The following UNC79 variants were observed in gnomAD, a reference collection of about 807,000 sequenced individuals.
The protein encoded by UNC79 is protein unc-79 homolog.
In UNC79, 37 loss-of-function variants were observed where a neutral mutation model predicts 283.1. That is an observed-to-expected ratio of 0.13 (90% confidence interval 0.10 to 0.17). UNC79 has a LOEUF of 0.17. Among genes scored for constraint, UNC79 ranks in the 10% least tolerant of loss-of-function variants. UNC79 has a pLI of 1.00. For synonymous variants in UNC79, 1,107 were observed against 1,200.2 expected (o/e 0.92, Z 1.61); for missense variants, 2,272 against 3,211.1 (o/e 0.71, Z 7.07).
At chr14:93,584,193 T>G (rs2064043333) in intron 20 of UNC79, among the ~76,000 whole-genome samples, 1 of 152,220 alleles carries the variant, frequency 6.6e-6, no homozygotes, top group Non-Finnish European at 1.5e-5. Context: ...GCCTTTGTAC[T>G]TGGCAGATGA....
intron 37 of UNC79, among the ~76,000 whole-genome samples, chr14:93,654,860 TG>T (rs2070753702): frequency 6.6e-6 from 1 of 152,184 alleles, no homozygotes; most frequent in Admixed American, 6.5e-5. Context: ...TCTTGGGGTT[TG>T]CTTGCGGGAG....
At chr14:93,600,472 G>T in intron 24 of UNC79, 97 bp from the exon 25 acceptor site, 1 of 809,880 alleles carries the variant, frequency 1.2e-6, no homozygotes, top group Non-Finnish European at 1.9e-6. Flanking sequence ...AGGCTGCCTT[G>T]TTTCATTGAC....
chr14:93,377,885 G>C (rs2054592896), intron 1 of UNC79, among the ~76,000 whole-genome samples: 1 of 152,192 alleles, frequency 6.6e-6, no homozygotes, highest in Admixed American at 6.5e-5. Context: ...ATTACATACA[G>C]CTTTCATAGC....
Position 93,504,699 on chromosome 14 carries a change from G to C in UNC79, c.898+7413G>C, listed in dbSNP as rs541935119. Among the ~76,000 whole-genome samples, 159 of 152,068 alleles carry C rather than the reference G, an allele frequency of 1.0e-3. 1 individual carries two copies. The highest frequency in any genetic ancestry group is 3.6e-3 in the African/African-American group (150 of 41,536). On this transcript the variant is annotated intron_variant, in intron 7 of 48. Coordinates refer to ENST00000555664, the Ensembl canonical transcript of UNC79. ...AATTAATTTTTAGTATATTGGTCTT[G>C]TATCCAGCAACTTTGCTAAGTCACT...
chr14:93,501,595 G>A (rs1275510292), intron 7 of UNC79, among the ~76,000 whole-genome samples: 4 of 152,036 alleles, frequency 2.6e-5, no homozygotes, highest in Non-Finnish European at 5.9e-5. Context: ...GGCTGAGGCA[G>A]GGGAATTGCT....
At chr14:93,493,630 A>G (rs1332775754) in intron 5 of UNC79, among the ~76,000 whole-genome samples, 1 of 152,090 alleles carries the variant, frequency 6.6e-6, no homozygotes, top group South Asian at 2.1e-4. Flanking sequence ...TTCTGGATGC[A>G]CTAACTGGAT....
rs184261542 is a variant in UNC79 at position 93,536,921 on chromosome 14, C to T, written c.1123-1068C>T. 1.4e-4 allele frequency among the ~76,000 whole-genome samples: 21 copies of T among 151,774 alleles called. No homozygotes were observed. The East Asian group carries it at 3.7e-3, about 27-fold the overall frequency. On this transcript the variant is annotated intron_variant, in intron 11 of 48. Coordinates refer to ENST00000555664, the Ensembl canonical transcript of UNC79. ...CTGAGACCACATTTTCCTGATAGGGCCCTGGATTTGATGTTTGCCTTGAAA... is the reference window on the plus strand; with the variant it reads ...CTGAGACCACATTTTCCTGATAGGGTCCTGGATTTGATGTTTGCCTTGAAA...
chr14:93,407,703 A>C (rs1341459226), intron 1 of UNC79, among the ~76,000 whole-genome samples: 1 of 152,216 alleles, frequency 6.6e-6, no homozygotes, highest in African/African-American at 2.4e-5. Flanking sequence ...GGAAGGTCTC[A>C]GTCCAGAAAA....
chr14:93,566,936 G>T (rs1394843552), intron 14 of UNC79, among the ~76,000 whole-genome samples: 2 of 152,088 alleles, frequency 1.3e-5, no homozygotes. Flanking sequence ...TTAAGTAAAA[G>T]ACATGGTTAA....
chr14:93,646,741 G>T (rs1596221065), intron 35 of UNC79, 95 bp downstream of exon 38: 9 of 1,381,840 alleles, frequency 6.5e-6, no homozygotes, highest in Admixed American at 3.7e-5. Context: ...TGGGTGCAGT[G>T]GCTCGCGTCT....
At chr14:93,641,056 T>C in intron 32 of UNC79, 89 bp from the exon 36 acceptor site, 1 of 1,062,090 alleles carries the variant, frequency 9.4e-7, no homozygotes, top group Non-Finnish European at 1.4e-6. Flanking sequence ...AATGTGATCT[T>C]TGGAGGGTTT....
At chr14:93,544,348 G>T (rs749515172) in intron 14 of UNC79, among the ~76,000 whole-genome samples, 19 of 152,176 alleles carry the variant, frequency 1.2e-4, no homozygotes, top group African/African-American at 4.3e-4. Flanking sequence ...GGTATGGAAG[G>T]TTCCATTGGG....
intron 1 of UNC79, among the ~76,000 whole-genome samples, chr14:93,363,938 T>C (rs913763676): frequency 1.5e-4 from 23 of 152,108 alleles, no homozygotes; most frequent in African/African-American, 5.6e-4. Context: ...GCCAGGATGG[T>C]CTCGATCTTC....
At chr14:93,601,099 T>C (rs1357976616) in intron 25 of UNC79, among the ~76,000 whole-genome samples, 2 of 152,218 alleles carry the variant, frequency 1.3e-5, no homozygotes, top group Non-Finnish European at 2.9e-5. Context: ...AACTCACTCT[T>C]GCATACTTTC....
chr14:93,657,112 C>T (rs2071028876), intron 38 of UNC79, among the ~76,000 whole-genome samples: 1 of 152,086 alleles, frequency 6.6e-6, no homozygotes, highest in Admixed American at 6.5e-5. Flanking sequence ...GGATCTTTAC[C>T]ACCTCTTATA....
At chr14:93,468,484 A>G (rs1330603244) in intron 2 of UNC79, among the ~76,000 whole-genome samples, 1 of 152,228 alleles carries the variant, frequency 6.6e-6, no homozygotes, top group Non-Finnish European at 1.5e-5. Flanking sequence ...TTAAATTCCA[A>G]GATGTGGTTT....
chr14:93,473,964 G>A (rs1285460858), intron 2 of UNC79, 125 bp from the exon 3 acceptor site: 17 of 1,160,096 alleles, frequency 1.5e-5, no homozygotes, highest in African/African-American at 3.1e-5. Flanking sequence ...CCCTGCTGGC[G>A]TGGCAATTGC....
At chr14:93,519,991 C>T (rs2060247637) in intron 7 of UNC79, among the ~76,000 whole-genome samples, 1 of 151,816 alleles carries the variant, frequency 6.6e-6, no homozygotes, top group Non-Finnish European at 1.5e-5. Context: ...TTACCATGTC[C>T]AACACTCTTT....
At chr14:93,444,068 G>A (rs1050260054) in intron 1 of UNC79, among the ~76,000 whole-genome samples, 1 of 152,210 alleles carries the variant, frequency 6.6e-6, no homozygotes, top group African/African-American at 2.4e-5. Flanking sequence ...CACCAGCAAT[G>A]TAGGAGAGAG....
Sources: allele counts gnomAD v4.1 joint callset (sites outside exome capture counted in the v4.1 genomes callset), GRCh38; gene constraint gnomAD v4.1.1; transcripts MANE v1.5; gene names NCBI Gene and HGNC (gene_info 2026-07-23, HGNC 2026-07-21).